RTN4: variants seen among roughly 807,000 people sequenced by gnomAD.
RTN4 encodes reticulon-4.
A neutral mutation model predicts 90.4 loss-of-function variants in RTN4; 32 were observed. The ratio of observed to expected loss-of-function variants is 0.35; its 90% CI spans 0.27 to 0.48. The LOEUF is 0.48. RTN4 is among the 20% of genes least tolerant of loss of function. The probability of loss-of-function intolerance (pLI) is 0.99; values close to 1 mark genes in which losing one functional copy is unlikely to be tolerated. For missense variants in RTN4, 1,706 were observed against 1,430.2 expected (o/e 1.19, Z -3.11); for synonymous variants, 629 against 552.5 (o/e 1.14, Z -1.94).
Position 55,066,469 on chromosome 2 carries a change from C to T in RTN4, c.-63+14020G>A, listed in dbSNP as rs531024678. Among the ~76,000 whole-genome samples, 109 of 151,938 alleles carry T rather than the reference C, an allele frequency of 7.2e-4. 1 individual carries two copies. The East Asian group carries it at 7.7e-3, about 11-fold the overall frequency. On this transcript the variant is annotated intron_variant, in intron 2 of 3. Transcript: ENST00000427710. ...CAGCACTTTGGGAGGCCTAGGCAGG[C>T]GAATCACTTGAGGTCAGGAGTTTGA...
the RTN4 span, among the ~76,000 whole-genome samples, chr2:55,128,727 C>A: frequency 6.6e-6 from 1 of 151,848 alleles, no homozygotes; most frequent in Non-Finnish European, 1.5e-5. Flanking sequence ...ATTAAAATAT[C>A]TGAAGCAGGT....
chr2:55,044,017 G>A (rs963026630), intron 1 of RTN4, among the ~76,000 whole-genome samples: 5 of 151,926 alleles, frequency 3.3e-5, no homozygotes, highest in East Asian at 3.9e-4. Context: ...GCAACATGGC[G>A]AAACCCTATC....
At chr2:54,981,060 C>T (rs957276617) in intron 5 of RTN4, among the ~76,000 whole-genome samples, 3 of 152,188 alleles carry the variant, frequency 2.0e-5, no homozygotes, top group Non-Finnish European at 4.4e-5. Context: ...AACACCACTA[C>T]AGATTTAGTC....
rs1173024208 is a variant in RTN4, at chr2:55,027,145, AT to A, written c.953del (p.Asn318IlefsTer6). 1 of 1,613,450 alleles carries A rather than the reference AT, an allele frequency of 6.2e-7. No individual in the cohort carries two copies. The highest frequency in any genetic ancestry group is 1.1e-5 in the South Asian group (1 of 91,046). ...TTTTCACGATTATTTCTTCCCTAGG[AT>A]TTGCTACTATTACGGCAGATTCTGC... ...PKAESAVIVANPREEIIVKNK... is the reference protein window; with the variant it reads ...PKAESAVIVAXPREEIIVKNK... On this transcript the variant is annotated frameshift_variant, in exon 3 of 9. Transcript: ENST00000337526. LOFTEE classifies it high-confidence loss of function.
At chr2:55,062,235 G>A (rs1419568457) in intron 2 of RTN4, among the ~76,000 whole-genome samples, 1 of 152,048 alleles carries the variant, frequency 6.6e-6, no homozygotes, top group Non-Finnish European at 1.5e-5. Context: ...ACCCACATGA[G>A]ATCCAATTCT....
chr2:55,009,658 C>A (rs1680489913), intron 3 of RTN4, among the ~76,000 whole-genome samples: 2 of 152,328 alleles, frequency 1.3e-5, no homozygotes, highest in South Asian at 2.1e-4. Context: ...TTACTGCAAA[C>A]ACAATATCTT....
chr2:55,003,599 C>T lies in RTN4; in HGVS notation c.3014-15901G>A, dbSNP rs77921664. 7.0e-3 allele frequency among the ~76,000 whole-genome samples: 1,063 copies of T among 152,302 alleles called. 8 individuals are homozygous for T. The highest frequency in any genetic ancestry group is 0.024 in the Middle Eastern group (7 of 294). Reference sequence around the variant, plus strand: ...GTATTGCCTAAATTAAACATCATCCCTTAGCCCAAATTCTAGCAAGAGATG... The same window carrying T: ...GTATTGCCTAAATTAAACATCATCCTTTAGCCCAAATTCTAGCAAGAGATG... On this transcript the variant is annotated intron_variant, in intron 3 of 8. Transcript: ENST00000337526.
upstream of RTN4, among the ~76,000 whole-genome samples, chr2:55,117,243 C>A (rs560980937): frequency 2.0e-5 from 3 of 152,320 alleles, no homozygotes; most frequent in South Asian, 2.1e-4. Flanking sequence ...ACATGTGAGA[C>A]CTTGAAATAG....
At chr2:55,070,748 TTTGTTG>T (rs71410417) in intron 2 of RTN4, among the ~76,000 whole-genome samples, 6 of 149,524 alleles carry the variant, frequency 4.0e-5, no homozygotes, top group African/African-American at 2.5e-5. Context: ...TGTTTTGATT[TTTGTTG>T]TTGTTGTTGT....
Position 55,026,573 on chromosome 2 carries a change from T to G in RTN4, c.1526A>C (p.Asn509Thr), listed in dbSNP as rs1178978728. The change falls in exon 3 of 9, where the codon AAT (asparagine) becomes ACT (threonine). Residue 509 changes from asparagine to threonine, a missense_variant. Transcript: ENST00000337526. ...EKKAQIVTEK[N>T]TSTKTSNPFL... ...AGGGTTTGATGTTTTGGTGCTAGTA[T>G]TCTTCTCTGTTACTATTTGGGCCTT... The G allele has an allele frequency of 1.2e-6, 2 of 1,613,082 alleles. No individual in the cohort carries two copies. The highest frequency in any genetic ancestry group is 1.7e-6 in the Non-Finnish European group (2 of 1,179,852).
intron 3 of RTN4, among the ~76,000 whole-genome samples, chr2:55,005,968 T>C (rs1274866204): frequency 2.6e-5 from 4 of 152,154 alleles, no homozygotes; most frequent in Non-Finnish European, 4.4e-5. Flanking sequence ...ATTTTCAGAT[T>C]AGGGATGTTC....
At chr2:54,985,359 T>C (rs12464447) in intron 4 of RTN4, among the ~76,000 whole-genome samples, 41,999 of 151,418 alleles carry the variant, frequency 0.28, 6,228 homozygotes, top group Non-Finnish European at 0.34. Context: ...GGAGTCTCAC[T>C]ATGTTGCCCA....
intron 4 of RTN4, among the ~76,000 whole-genome samples, chr2:54,984,675 C>A (rs1397985682): frequency 1.3e-5 from 2 of 152,208 alleles, no homozygotes; most frequent in Non-Finnish European, 2.9e-5. Flanking sequence ...TCAGTAACCA[C>A]AGGTATTAGA....
chr2:55,005,375 A>C (rs565928942), intron 3 of RTN4, among the ~76,000 whole-genome samples: 5 of 152,310 alleles, frequency 3.3e-5, no homozygotes, highest in Non-Finnish European at 7.4e-5. Context: ...ATCTTACAAT[A>C]TAAAGCTGGT....
At chr2:55,132,551 C>T in the RTN4 span, among the ~76,000 whole-genome samples, 1 of 148,642 alleles carries the variant, frequency 6.7e-6, no homozygotes, top group Non-Finnish European at 1.5e-5. Flanking sequence ...ATGGTTCATG[C>T]CTATAATCCT....
At chr2:55,118,577 A>T in the RTN4 span, among the ~76,000 whole-genome samples, 1 of 150,504 alleles carries the variant, frequency 6.6e-6, no homozygotes, top group African/African-American at 2.4e-5. Context: ...TTGTAAAACA[A>T]TCCTCCCTGC....
At chr2:55,105,361 C>A (rs1667926514) in intron 1 of RTN4, among the ~76,000 whole-genome samples, 1 of 151,396 alleles carries the variant, frequency 6.6e-6, no homozygotes, top group Non-Finnish European at 1.5e-5. Flanking sequence ...TCCTGAGTAG[C>A]TGGGATTACA....
intron 3 of RTN4, among the ~76,000 whole-genome samples, chr2:55,022,545 G>C (rs527421262): frequency 2.0e-5 from 3 of 152,170 alleles, no homozygotes; most frequent in Non-Finnish European, 2.9e-5. Context: ...GCTCACCAAT[G>C]CTGCTTCCAG....
At chr2:55,093,999 T>A (rs547382593) in intron 1 of RTN4, among the ~76,000 whole-genome samples, 72 of 152,352 alleles carry the variant, frequency 4.7e-4, no homozygotes, top group Non-Finnish European at 8.1e-4. Context: ...ACTAATATCC[T>A]ACACTAATGT....
Sources: gnomAD v4.1 joint callset for allele counts (sites outside exome capture counted in the v4.1 genomes callset) on GRCh38, gnomAD v4.1.1 for gene constraint, MANE v1.5 for transcripts, NCBI Gene and HGNC (gene_info 2026-07-23, HGNC 2026-07-21) for gene names.